Variants in CNTNAP2 observed in about 807,000 individuals in gnomAD.
CNTNAP2 encodes contactin-associated protein-like 2.
CNTNAP2 carries 98 observed loss-of-function variants against 155.2 expected under a neutral mutation model. That is an observed-to-expected ratio of 0.63 (90% CI 0.54 to 0.75). The LOEUF is 0.75. CNTNAP2 is among the 30% of genes least tolerant of loss of function. The probability of loss-of-function intolerance (pLI) is 0.00; values close to 1 mark genes in which losing one functional copy is unlikely to be tolerated. For synonymous variants in CNTNAP2, 651 were observed against 631.2 expected (o/e 1.03, Z -0.47); for missense variants, 1,727 against 1,688.1 (o/e 1.02, Z -0.40).
intron 1 of CNTNAP2, among the ~76,000 whole-genome samples, chr7:146,555,111 A>G (rs1798177860): frequency 6.6e-6 from 1 of 152,134 alleles, no homozygotes. Flanking sequence ...CTCAGCAGGC[A>G]TTGTGGAGTG....
intron 1 of CNTNAP2, among the ~76,000 whole-genome samples, chr7:146,267,631 C>T (rs138691205): frequency 7.4e-4 from 113 of 152,236 alleles, no homozygotes; most frequent in African/African-American, 2.6e-3. Flanking sequence ...CGTGAGGACA[C>T]AGGGTGAAAG....
At chr7:146,867,925 T>G (rs1795237324) in intron 3 of CNTNAP2, among the ~76,000 whole-genome samples, 1 of 151,680 alleles carries the variant, frequency 6.6e-6, no homozygotes, top group African/African-American at 2.4e-5. Flanking sequence ...TATTAGACCT[T>G]CATCAGATGC....
chr7:146,553,064 C>T (rs889711016), intron 1 of CNTNAP2, among the ~76,000 whole-genome samples: 2 of 152,040 alleles, frequency 1.3e-5, no homozygotes, highest in Admixed American at 6.6e-5. Context: ...TACTTTCTCT[C>T]TACTGGAGAG....
intron 1 of CNTNAP2, among the ~76,000 whole-genome samples, chr7:146,555,749 G>T (rs1798189440): frequency 6.6e-6 from 1 of 152,184 alleles, no homozygotes; most frequent in African/African-American, 2.4e-5. Context: ...TGATTGTGTG[G>T]TAGAAAAACA....
chr7:147,207,430 TATTA>T (rs975571366), intron 8 of CNTNAP2, among the ~76,000 whole-genome samples: 9 of 152,154 alleles, frequency 5.9e-5, no homozygotes, highest in African/African-American at 2.2e-4. Context: ...ACATTTTTAC[TATTA>T]ATTGGATGAA....
At chr7:147,661,778 C>T (rs1366601972) in intron 13 of CNTNAP2, among the ~76,000 whole-genome samples, 13 of 152,052 alleles carry the variant, frequency 8.5e-5, no homozygotes, top group Admixed American at 8.5e-4. Context: ...TTCTTGAACT[C>T]CTGACCTCGT....
At chr7:147,951,657 G>A (rs550943157) in intron 14 of CNTNAP2, among the ~76,000 whole-genome samples, 119 of 151,940 alleles carry the variant, frequency 7.8e-4, no homozygotes, top group Non-Finnish European at 1.5e-3. Flanking sequence ...CTTGGGTGGG[G>A]GGAAGAGCAA....
At chr7:147,564,112 G>C (rs1032238664) in intron 12 of CNTNAP2, among the ~76,000 whole-genome samples, 1 of 152,126 alleles carries the variant, frequency 6.6e-6, no homozygotes, top group African/African-American at 2.4e-5. Flanking sequence ...CGAGGCTGCA[G>C]TGAGTTGTGA....
chr7:146,725,047 C>T (rs1801407430), intron 1 of CNTNAP2, among the ~76,000 whole-genome samples: 1 of 152,072 alleles, frequency 6.6e-6, no homozygotes, highest in Admixed American at 6.6e-5. Flanking sequence ...CTGTTCCCGG[C>T]CTTTCTCCTG....
At chr7:148,395,898 T>A (rs1799456456) in intron 22 of CNTNAP2, among the ~76,000 whole-genome samples, 1 of 152,196 alleles carries the variant, frequency 6.6e-6, no homozygotes, top group Non-Finnish European at 1.5e-5. Flanking sequence ...GCCGCGAATT[T>A]CTTTCATTCC....
chr7:147,681,190 A>G (rs143634679), intron 13 of CNTNAP2, among the ~76,000 whole-genome samples: 2,493 of 152,086 alleles, frequency 0.016, 222 homozygotes, highest in Admixed American at 0.15. Flanking sequence ...TAGTTTTTAT[A>G]GAAATAGAAC....
chr7:146,317,862 C>T (rs1800934808), intron 1 of CNTNAP2, among the ~76,000 whole-genome samples: 1 of 152,172 alleles, frequency 6.6e-6, no homozygotes, highest in South Asian at 2.1e-4. Context: ...ATGAAATTGG[C>T]CGGGCATGGC....
intron 1 of CNTNAP2, among the ~76,000 whole-genome samples, chr7:146,136,591 G>A (rs1018212633): frequency 6.6e-6 from 1 of 152,052 alleles, no homozygotes; most frequent in Non-Finnish European, 1.5e-5. Flanking sequence ...TTCATGCTGT[G>A]CTCTCTCGAG....
chr7:148,400,056 C>T (rs1168483320), intron 22 of CNTNAP2, among the ~76,000 whole-genome samples: 1 of 152,148 alleles, frequency 6.6e-6, no homozygotes, highest in African/African-American at 2.4e-5. Flanking sequence ...TCAGGGCATC[C>T]GTATGCCCCT....
intron 1 of CNTNAP2, among the ~76,000 whole-genome samples, chr7:146,433,398 A>G (rs1218595904): frequency 6.6e-6 from 1 of 152,168 alleles, no homozygotes; most frequent in African/African-American, 2.4e-5. Flanking sequence ...AAGCTCGAGG[A>G]GACAAATCTC....
intron 15 of CNTNAP2, among the ~76,000 whole-genome samples, chr7:148,054,066 G>A (rs956938100): frequency 2.7e-5 from 4 of 149,540 alleles, no homozygotes; most frequent in African/African-American, 7.4e-5. Context: ...TCTGCCTCCC[G>A]GGTTCACGCC....
intron 1 of CNTNAP2, among the ~76,000 whole-genome samples, chr7:146,291,131 C>T (rs1201887099): frequency 1.3e-5 from 2 of 152,040 alleles, no homozygotes; most frequent in Non-Finnish European, 2.9e-5. Flanking sequence ...GAAATAAAAA[C>T]TTGACAATAA....
chr7:147,056,926 A>G (rs1004715733), intron 4 of CNTNAP2, among the ~76,000 whole-genome samples: 1 of 151,170 alleles, frequency 6.6e-6, no homozygotes, highest in African/African-American at 2.4e-5. Context: ...GCACACCACC[A>G]TCCCTAGCTT....
At chr7:146,323,243 T>G (rs1357988872) in intron 1 of CNTNAP2, among the ~76,000 whole-genome samples, 3 of 152,172 alleles carry the variant, frequency 2.0e-5, no homozygotes, top group Non-Finnish European at 2.9e-5. Context: ...GAATGTTATT[T>G]TTTTCCTTTT....
Sources: gnomAD v4.1 joint callset for allele counts (sites outside exome capture counted in the v4.1 genomes callset) on GRCh38, gnomAD v4.1.1 for gene constraint, MANE v1.5 for transcripts, NCBI Gene and HGNC (gene_info 2026-07-23, HGNC 2026-07-21) for gene names.